The following RBFOX1 variants were observed in gnomAD, a reference collection of about 807,000 sequenced individuals.
The protein encoded by RBFOX1 is RNA binding protein fox-1 homolog 1.
A neutral mutation model predicts 57.7 loss-of-function variants in RBFOX1; 8 were observed. The observed-to-expected ratio is 0.14, with a 90% CI of 0.08 to 0.25. The LOEUF (loss-of-function observed/expected upper bound fraction) is 0.25. RBFOX1 is among the 10% of genes least tolerant of loss of function. The probability of loss-of-function intolerance (pLI) is 1.00; values close to 1 mark genes in which losing one functional copy is unlikely to be tolerated. For synonymous variants in RBFOX1, 326 were observed against 222.4 expected, an observed-to-expected ratio of 1.47 and a Z score of -4.15; for missense variants, 611 against 548.5, an observed-to-expected ratio of 1.11 and a Z score of -1.14.
chr16:5,791,983 C>T (rs570626513), intron 3 of RBFOX1, among the ~76,000 whole-genome samples: 1 of 152,128 alleles, frequency 6.6e-6, no homozygotes, highest in Non-Finnish European at 1.5e-5. Context: ...ACACCAGAGA[C>T]TTTGAGGATG....
At chr16:7,061,495 A>G (rs1168311697) in intron 4 of RBFOX1, among the ~76,000 whole-genome samples, 3 of 152,192 alleles carry the variant, frequency 2.0e-5, no homozygotes, top group Non-Finnish European at 4.4e-5. Flanking sequence ...TTGATGCTGA[A>G]TCTTATAATT....
At chr16:7,058,416 C>G (rs573742768) in intron 4 of RBFOX1, among the ~76,000 whole-genome samples, 2 of 152,326 alleles carry the variant, frequency 1.3e-5, no homozygotes, top group Non-Finnish European at 2.9e-5. Context: ...GCAAAATACA[C>G]TATTAAGAAT....
chr16:5,501,525 G>A lies in RBFOX1; in HGVS notation c.258+34271G>A, dbSNP rs547264191. Among the ~76,000 whole-genome samples, 3 of 152,058 alleles carry A rather than the reference G, an allele frequency of 2.0e-5. No homozygotes were observed. The South Asian group carries it at 6.2e-4, about 32-fold the overall frequency. ...TTTGTCTCTGGAGGCAGATGGGCTG[G>A]ATTCAAATCCAAGGCTGGCTTTGGC... On this transcript the variant is annotated intron_variant, in intron 2 of 2. Coordinates refer to the RBFOX1 transcript ENST00000585867.
chr16:6,095,102 G>T (rs976711149), intron 1 of RBFOX1, among the ~76,000 whole-genome samples: 7 of 152,274 alleles, frequency 4.6e-5, no homozygotes, highest in African/African-American at 1.7e-4. Flanking sequence ...ATGAAACCCA[G>T]TGGATTCCTT....
At chr16:5,274,973 A>C (rs1369794433) in intron 1 of RBFOX1, among the ~76,000 whole-genome samples, 1 of 152,150 alleles carries the variant, frequency 6.6e-6, no homozygotes, top group Non-Finnish European at 1.5e-5. Flanking sequence ...CTAAGACCGG[A>C]GATAGCTGAT....
chr16:5,966,511 G>T (rs897819448), intron 4 of RBFOX1, among the ~76,000 whole-genome samples: 2 of 152,224 alleles, frequency 1.3e-5, no homozygotes, highest in Admixed American at 1.3e-4. Flanking sequence ...AGGCTGGAGC[G>T]CAATGGCGCG....
intron 1 of RBFOX1, among the ~76,000 whole-genome samples, chr16:5,386,581 C>T (rs903458297): frequency 6.6e-6 from 1 of 152,144 alleles, no homozygotes; most frequent in Non-Finnish European, 1.5e-5. Context: ...CAGCCCCACT[C>T]TCTCTTAACC....
intron 1 of RBFOX1, among the ~76,000 whole-genome samples, chr16:6,117,762 T>C (rs1279746029): frequency 6.6e-6 from 1 of 152,246 alleles, no homozygotes; most frequent in Non-Finnish European, 1.5e-5. Context: ...CTGCACAAAA[T>C]GGAGTAAGAC....
intron 3 of RBFOX1, among the ~76,000 whole-genome samples, chr16:5,782,528 A>C (rs74006288): frequency 5.3e-5 from 8 of 152,306 alleles, no homozygotes; most frequent in African/African-American, 1.9e-4. Context: ...AATTTGGGCA[A>C]ATACATCTAG....
At chr16:6,205,199 C>T (rs1380017888) in intron 1 of RBFOX1, among the ~76,000 whole-genome samples, 1 of 152,136 alleles carries the variant, frequency 6.6e-6, no homozygotes, top group Non-Finnish European at 1.5e-5. Flanking sequence ...TGGGTTACTG[C>T]TTCATATATG....
chr16:7,499,305 G>T (rs1040863658), intron 4 of RBFOX1, among the ~76,000 whole-genome samples: 1 of 152,096 alleles, frequency 6.6e-6, no homozygotes, highest in Non-Finnish European at 1.5e-5. Flanking sequence ...GCATATCTGT[G>T]TCCACACTTT....
chr16:7,555,886 A>T (rs6500983), intron 5 of RBFOX1, among the ~76,000 whole-genome samples: 1 of 152,136 alleles, frequency 6.6e-6, no homozygotes, highest in Non-Finnish European at 1.5e-5. Context: ...ATGCTCTGCA[A>T]TGCTCTGATT....
chr16:6,416,433 T>TC (rs375553892), intron 2 of RBFOX1, among the ~76,000 whole-genome samples: 31 of 152,282 alleles, frequency 2.0e-4, no homozygotes, highest in African/African-American at 6.3e-4. Context: ...TTTGCTTTTC[T>TC]CCCCTCTAAT....
At chr16:5,896,545 A>G (rs2152165106) in intron 4 of RBFOX1, among the ~76,000 whole-genome samples, 1 of 152,326 alleles carries the variant, frequency 6.6e-6, no homozygotes, top group East Asian at 1.9e-4. Flanking sequence ...CCAGAAGCAG[A>G]TGCTGGTGCC....
intron 3 of RBFOX1, among the ~76,000 whole-genome samples, chr16:6,781,163 T>C (rs1212625992): frequency 6.6e-6 from 1 of 152,154 alleles, no homozygotes; most frequent in Non-Finnish European, 1.5e-5. Flanking sequence ...TTTGATTTGA[T>C]TTTTGTAGAT....
At chr16:7,496,422 G>A (rs189412568) in intron 4 of RBFOX1, among the ~76,000 whole-genome samples, 1 of 152,244 alleles carries the variant, frequency 6.6e-6, no homozygotes, top group African/African-American at 2.4e-5. Context: ...GGATTAGAGG[G>A]GTGAGCCACT....
At chr16:6,449,401 T>C (rs13335956) in intron 2 of RBFOX1, among the ~76,000 whole-genome samples, 79,878 of 152,092 alleles carry the variant, frequency 0.53, 21,144 homozygotes, top group Admixed American at 0.59. Flanking sequence ...GGGTAGAACA[T>C]TCCAGGCTGT....
intron 2 of RBFOX1, among the ~76,000 whole-genome samples, chr16:5,551,846 T>C (rs1267184430): frequency 1.3e-5 from 2 of 150,924 alleles, no homozygotes; most frequent in African/African-American, 4.9e-5. Flanking sequence ...TGTGTCCATG[T>C]GTTCTCGTTG....
chr16:6,993,876 C>G (rs551263333), intron 3 of RBFOX1, among the ~76,000 whole-genome samples: 2 of 152,148 alleles, frequency 1.3e-5, no homozygotes, highest in Non-Finnish European at 2.9e-5. Context: ...CCCCGAACGT[C>G]TCTCAGGGAC....
Sources: gnomAD v4.1 joint callset for allele counts (sites outside exome capture counted in the v4.1 genomes callset) on GRCh38, gnomAD v4.1.1 for gene constraint, MANE v1.5 for transcripts, NCBI Gene and HGNC (gene_info 2026-07-23, HGNC 2026-07-21) for gene names.